The following DMD variants were observed in gnomAD, a reference collection of about 807,000 sequenced individuals.
DMD encodes the protein mutant dystrophin.
DMD carries 63 observed loss-of-function variants against 330.1 expected under a neutral mutation model. The ratio of observed to expected loss-of-function variants is 0.19; its 90% CI spans 0.16 to 0.24. The LOEUF (loss-of-function observed/expected upper bound fraction) is 0.24, where lower values mean the gene tolerates loss of function less well. Among genes scored for constraint, DMD ranks in the 10% least tolerant of loss-of-function variants. The pLI, the probability that DMD is intolerant of heterozygous loss-of-function variation, is 1.00. For synonymous variants in DMD, 1,223 were observed against 959.8 expected (o/e 1.27, Z -5.07); for missense variants, 3,344 against 2,684.1 (o/e 1.25, Z -5.43).
At chrX:31,404,913 C>T (rs1318213707) in intron 60 of DMD, among the ~76,000 whole-genome samples, 3 of 111,990 alleles carry the variant, frequency 2.7e-5, no homozygotes, top group Non-Finnish European at 5.6e-5. Context: ...AGAGTGCGAA[C>T]AGAACATTAT....
At chrX:32,029,452 C>A (rs776591609) in intron 44 of DMD, among the ~76,000 whole-genome samples, 1 of 110,668 alleles carries the variant, frequency 9.0e-6, no homozygotes, top group Non-Finnish European at 1.9e-5. Context: ...AAATAAGGAA[C>A]ACCTAAGAAT....
intron 44 of DMD, among the ~76,000 whole-genome samples, chrX:31,997,785 G>C (rs767275229): frequency 9.0e-6 from 1 of 110,885 alleles, no homozygotes; most frequent in Non-Finnish European, 1.9e-5. Flanking sequence ...GCACATTTTC[G>C]TCTGTCAGTA....
intron 1 of DMD, among the ~76,000 whole-genome samples, chrX:33,290,794 C>T (rs906265004): frequency 1.8e-5 from 2 of 111,148 alleles, no homozygotes; most frequent in Non-Finnish European, 3.8e-5. Flanking sequence ...GAATTTCTTT[C>T]CTCCTAGCTT....
intron 44 of DMD, among the ~76,000 whole-genome samples, chrX:32,213,764 C>CA (rs2097101994): frequency 9.6e-6 from 1 of 104,547 alleles, no homozygotes; most frequent in Admixed American, 1.1e-4. Flanking sequence ...CACCTGAGGT[C>CA]GGAGATCTAG....
At chrX:32,511,190 A>C (rs1249700862) in intron 18 of DMD, among the ~76,000 whole-genome samples, 1 of 110,296 alleles carries the variant, frequency 9.1e-6, no homozygotes, top group Non-Finnish European at 1.9e-5. Context: ...CTACAGTCAG[A>C]CTTCAGCCTT....
chrX:32,539,607 G>A (rs1381900939), intron 17 of DMD, among the ~76,000 whole-genome samples: 2 of 110,784 alleles, frequency 1.8e-5, no homozygotes, highest in East Asian at 5.6e-4. Flanking sequence ...TCAGATTTTA[G>A]TTTAGAAACT....
chrX:32,891,757 TTTA>T (rs1351145726), intron 2 of DMD, among the ~76,000 whole-genome samples: 1 of 111,844 alleles, frequency 8.9e-6, no homozygotes, highest in African/African-American at 3.3e-5. Context: ...CCATTAGTAT[TTTA>T]TTGTTAGCAA....
chrX:33,074,415 A>ATTT (rs3083149), intron 1 of DMD, among the ~76,000 whole-genome samples: 243 of 101,366 alleles, frequency 2.4e-3, no homozygotes, highest in African/African-American at 8.5e-3. Flanking sequence ...TTAACACTAT[A>ATTT]TTTTTTTTTT....
In DMD at chrX:33,274,849, C is replaced by T. The variant is rs766775521; in HGVS notation, c.7+64410G>A. On this transcript the variant is annotated intron_variant, in intron 1 of 17. Transcript: ENST00000288447. ...GATTTGAGGGCCTCAGAAACTTTTTCCAAACGTTTATAACAAGGATCCTAA... is the reference window on the plus strand; with the variant it reads ...GATTTGAGGGCCTCAGAAACTTTTTTCAAACGTTTATAACAAGGATCCTAA... Among the ~76,000 whole-genome samples, 8 of 111,100 alleles carry T rather than the reference C, an allele frequency of 7.2e-5. No individual in the cohort carries two copies. In the South Asian group the frequency reaches 3.1e-3, roughly 43 times the overall value.
At chrX:31,652,684 T>C (rs1401127789) in intron 54 of DMD, among the ~76,000 whole-genome samples, 7 of 111,396 alleles carry the variant, frequency 6.3e-5, no homozygotes, top group Non-Finnish European at 1.3e-4. Context: ...GGATCAATGT[T>C]AAAATATAGT....
chrX:32,402,689 C>G (rs914148252), intron 30 of DMD, among the ~76,000 whole-genome samples: 4 of 111,493 alleles, frequency 3.6e-5, no homozygotes, highest in Non-Finnish European at 7.5e-5. Context: ...ATCAGTCTTT[C>G]CTTTTCATGT....
intron 1 of DMD, among the ~76,000 whole-genome samples, chrX:33,062,865 A>T (rs1487213233): frequency 8.9e-6 from 1 of 112,436 alleles, no homozygotes; most frequent in African/African-American, 3.2e-5. Flanking sequence ...TAATGCACCA[A>T]ACATACTTGC....
chrX:33,005,839 A>G lies in DMD; in HGVS notation c.93+14300T>C, dbSNP rs969073538. Reference sequence around the variant, plus strand: ...GTATTTCTTCATAGATGACATGACCATCTATGTAGAAAATCTGAAAGAATC... The same window carrying G: ...GTATTTCTTCATAGATGACATGACCGTCTATGTAGAAAATCTGAAAGAATC... On this transcript the variant is annotated intron_variant, in intron 2 of 78. Transcript: ENST00000357033. Among the ~76,000 whole-genome samples the G allele has an allele frequency of 2.1e-4, 23 of 111,148 alleles. No homozygotes were observed. In the Admixed American group the frequency reaches 2.1e-3, roughly 10 times the overall value.
At chrX:31,508,329 C>T in intron 55 of DMD, 1 of 1,051,540 alleles carries the variant, frequency 9.5e-7, no homozygotes, top group Admixed American at 2.7e-5. Flanking sequence ...TTTAAAATGC[C>T]AACTTTGCTT....
At chrX:32,196,003 G>T (rs769528152) in intron 44 of DMD, among the ~76,000 whole-genome samples, 1 of 111,955 alleles carries the variant, frequency 8.9e-6, no homozygotes, top group East Asian at 2.8e-4. Flanking sequence ...TCTTCTGCTG[G>T]CCTGTGGTTA....
chrX:31,349,479 T>C (rs928692713), intron 60 of DMD, among the ~76,000 whole-genome samples: 12 of 112,248 alleles, frequency 1.1e-4, no homozygotes, highest in Admixed American at 1.9e-4. Flanking sequence ...TGGGATAAAA[T>C]AGGGTGGGTA....
chrX:32,769,833 G>T (rs2073410725), intron 7 of DMD, among the ~76,000 whole-genome samples: 1 of 109,599 alleles, frequency 9.1e-6, no homozygotes, highest in South Asian at 3.8e-4. Flanking sequence ...AAAAAAAACA[G>T]GAGGCTTATA....
chrX:32,962,081 T>C (rs2091921542), intron 2 of DMD, among the ~76,000 whole-genome samples: 1 of 111,374 alleles, frequency 9.0e-6, no homozygotes, highest in African/African-American at 3.3e-5. Flanking sequence ...GACTACAAAA[T>C]GGCAAAAAAC....
In DMD at chrX:32,342,132, C is replaced by A. The variant is rs1325956986; in HGVS notation, c.5890G>T (p.Ala1964Ser). ...KRWREIESKFAQFRRLNFAQI... is the reference protein window; with the variant it reads ...KRWREIESKFSQFRRLNFAQI... ...GCAAAGTTGAGTCTTCGAAACTGAG[C>A]AAATTTGCTCTCAATTTCCCGCCAG... is the stretch of plus-strand genomic sequence containing the variant. The change falls in exon 41 of 79, where the codon GCT (alanine) becomes TCT (serine). Residue 1964 changes from alanine (A) to serine (S), a missense_variant. Coordinates refer to ENST00000357033, the MANE Select transcript of DMD (RefSeq NM_004006.3). 8.3e-7 allele frequency: 1 copy of A among 1,209,888 alleles called. No individual in the cohort carries two copies. Among genetic ancestry groups the A allele is most frequent in the African/African-American group, 1.7e-5 (1 of 57,690 alleles).
Sources: gnomAD v4.1 joint callset for allele counts (sites outside exome capture counted in the v4.1 genomes callset) on GRCh38, gnomAD v4.1.1 for gene constraint, MANE v1.5 for transcripts, NCBI Gene and HGNC (gene_info 2026-07-23, HGNC 2026-07-21) for gene names.